The following SEMA6A variants were observed in gnomAD, a reference collection of about 807,000 sequenced individuals.
SEMA6A encodes semaphorin 6A.
Under a neutral mutation model 96.8 loss-of-function variants are expected in SEMA6A, and 25 were observed. That is an observed-to-expected ratio of 0.26 (90% CI 0.19 to 0.36). The LOEUF (loss-of-function observed/expected upper bound fraction) is 0.36. Ranked by LOEUF, SEMA6A falls within the 10% of genes least tolerant of loss-of-function variation. SEMA6A has a pLI of 1.00. For missense variants in SEMA6A, 1,363 were observed against 1,323.1 expected, an observed-to-expected ratio of 1.03 and a Z score of -0.47; for synonymous variants, 612 against 518.0, an observed-to-expected ratio of 1.18 and a Z score of -2.46.
chr5:116,463,271 C>A (rs1337839569), intron 18 of SEMA6A, among the ~76,000 whole-genome samples: 2 of 152,168 alleles, frequency 1.3e-5, no homozygotes, highest in African/African-American at 2.4e-5. Context: ...TGACTCAATA[C>A]TCTTGAAGGC....
chr5:116,545,658 T>C (rs987352243), intron 1 of SEMA6A, among the ~76,000 whole-genome samples: 6 of 152,124 alleles, frequency 3.9e-5, no homozygotes, highest in African/African-American at 1.4e-4. Flanking sequence ...AAAGTAAAAA[T>C]TGCCTTACTG....
chr5:116,562,592 G>GAAC, intron 1 of SEMA6A: 1 of 667,098 alleles, frequency 1.5e-6, no homozygotes, highest in South Asian at 1.5e-5. Context: ...GGAAAAGGAA[G>GAAC]AACAGGTCAT....
chr5:116,465,645 T>G (rs979362453), intron 18 of SEMA6A, among the ~76,000 whole-genome samples: 8 of 152,208 alleles, frequency 5.3e-5, no homozygotes, highest in African/African-American at 1.9e-4. Flanking sequence ...TGCCGAATTT[T>G]AAAATGATGT....
chr5:116,506,292 A>C (rs1758143034), intron 1 of SEMA6A, among the ~76,000 whole-genome samples: 1 of 152,224 alleles, frequency 6.6e-6, no homozygotes, highest in African/African-American at 2.4e-5. Context: ...TCAATTGAAA[A>C]GTGCACATTA....
chr5:116,448,088 CT>C (rs1379288264), intron 18 of SEMA6A, among the ~76,000 whole-genome samples: 1 of 149,864 alleles, frequency 6.7e-6, no homozygotes, highest in Non-Finnish European at 1.5e-5. Flanking sequence ...AATCCCAGCA[CT>C]TTGGGAGGCC....
intron 18 of SEMA6A, among the ~76,000 whole-genome samples, chr5:116,461,671 T>G (rs780748163): frequency 1.3e-4 from 20 of 152,208 alleles, no homozygotes; most frequent in Non-Finnish European, 2.6e-4. Flanking sequence ...TTCTATGTCC[T>G]TGATGTGTTC....
chr5:116,547,026 C>A (rs1225231370), intron 1 of SEMA6A, among the ~76,000 whole-genome samples: 1 of 152,160 alleles, frequency 6.6e-6, no homozygotes, highest in Non-Finnish European at 1.5e-5. Context: ...GGTTCCAACC[C>A]TATTTTTTTT....
intron 1 of SEMA6A, among the ~76,000 whole-genome samples, chr5:116,545,659 T>C (rs1760157062): frequency 6.6e-6 from 1 of 152,112 alleles, no homozygotes; most frequent in Non-Finnish European, 1.5e-5. Flanking sequence ...AAGTAAAAAT[T>C]GCCTTACTGA....
chr5:116,548,246 A>G (rs1486213537), intron 1 of SEMA6A, among the ~76,000 whole-genome samples: 2 of 151,644 alleles, frequency 1.3e-5, no homozygotes, highest in African/African-American at 4.9e-5. Flanking sequence ...GAAGGCTATC[A>G]CACTCTCGAT....
chr5:116,564,800 AAAATGT>A (rs1276876185), intron 1 of SEMA6A, among the ~76,000 whole-genome samples: 2 of 152,258 alleles, frequency 1.3e-5, no homozygotes, highest in Non-Finnish European at 2.9e-5. Flanking sequence ...CCTACAGTCC[AAAATGT>A]ATGAGCCTTT....
intron 18 of SEMA6A, among the ~76,000 whole-genome samples, chr5:116,465,424 T>A (rs1324947096): frequency 6.6e-6 from 1 of 152,188 alleles, no homozygotes; most frequent in East Asian, 1.9e-4. Flanking sequence ...TCTTTAAAAT[T>A]TCTGCACAAC....
intron 1 of SEMA6A, among the ~76,000 whole-genome samples, chr5:116,517,465 T>TA (rs1758726253): frequency 6.9e-6 from 1 of 144,756 alleles, no homozygotes; most frequent in African/African-American, 2.5e-5. Flanking sequence ...CTCACAGAAT[T>TA]TAAAAAAAAA....
intron 17 of SEMA6A, chr5:116,468,720 C>A (rs1165107032): frequency 6.6e-6 from 1 of 152,148 alleles, no homozygotes; most frequent in Non-Finnish European, 1.5e-5. Flanking sequence ...TAAAATATGA[C>A]CTCCTCGTGA....
chr5:116,533,272 T>C (rs535526393), intron 1 of SEMA6A, among the ~76,000 whole-genome samples: 78 of 148,404 alleles, frequency 5.3e-4, no homozygotes, highest in African/African-American at 1.9e-3. Context: ...TTTTTTTTTT[T>C]CCACTAGTCG....
In SEMA6A at chr5:116,482,680, AG is replaced by A. The variant is rs1580417362; in HGVS notation, c.963-106del. 3.1e-5 allele frequency: 35 copies of A among 1,143,740 alleles called. No homozygotes were observed. In the East Asian group the frequency reaches 8.4e-4, roughly 27 times the overall value. The allele number at this position is 1,143,740 out of a possible 1,614,324, so 70.8% of individuals were successfully genotyped here. A position where few individuals can be genotyped will look rare whatever the true frequency, so the allele number is the denominator to read the frequency against. The stretch of plus-strand genomic sequence containing the variant: ...TCCTGGTACAGCAAATGAAATTTAA[AG>A]TTCATACCTTGGACACTATAAATAT... On this transcript the variant is annotated intron_variant, in intron 10 of 18. Transcript: ENST00000343348.
chr5:116,466,641 T>TG (rs1755775768), intron 18 of SEMA6A, among the ~76,000 whole-genome samples: 2 of 152,258 alleles, frequency 1.3e-5, no homozygotes, highest in African/African-American at 4.8e-5. Context: ...CAGAACACTC[T>TG]GGGGGAGGGT....
chr5:116,541,213 C>G, intron 1 of SEMA6A, among the ~76,000 whole-genome samples: 1 of 152,194 alleles, frequency 6.6e-6, no homozygotes, highest in East Asian at 1.9e-4. Flanking sequence ...TTGGTGATAT[C>G]AACGTGTCCA....
At chr5:116,481,362 A>C (rs1386903908) in intron 11 of SEMA6A, among the ~76,000 whole-genome samples, 5 of 152,152 alleles carry the variant, frequency 3.3e-5, no homozygotes, top group Non-Finnish European at 4.4e-5. Context: ...CCAGGCAATG[A>C]CTTAAGACTA....
chr5:116,467,676 C>G lies in SEMA6A; in HGVS notation c.1801G>C (p.Gly601Arg). Residue 601 changes from glycine (G) to arginine (R), a missense_variant, in exon 18 of 19, where the codon GGA becomes CGA. Around this residue, in one of 2 missense-constraint regions of SEMA6A, gnomAD observed 883 missense variants for 763.6 expected, o/e 1.16. Coordinates refer to ENST00000343348, the MANE Select transcript of SEMA6A (RefSeq NM_020796.5). ...STAQEGYESR[G>R]GMLDWKHLLD... is the part of the protein sequence containing the mutation. ...AGATGCTTCCAGTCCAGCATTCCTC[C>G]CCTAGACTCATACCCCTCTTGAGCC... 6.2e-7 allele frequency: 1 copy of G among 1,613,826 alleles called. No homozygotes were observed. Among genetic ancestry groups the G allele is most frequent in the Non-Finnish European group, 8.5e-7 (1 of 1,179,838 alleles).
Sources: allele counts gnomAD v4.1 joint callset (sites outside exome capture counted in the v4.1 genomes callset), GRCh38; gene constraint gnomAD v4.1.1; regional missense constraint gnomAD v4.1.1; transcripts MANE v1.5; gene names NCBI Gene and HGNC (gene_info 2026-07-23, HGNC 2026-07-21).